The following CNDP1 variants were observed in gnomAD, a reference collection of about 807,000 sequenced individuals.
CNDP1 encodes the protein beta-Ala-His dipeptidase.
Under a neutral mutation model 58.1 loss-of-function variants are expected in CNDP1, and 44 were observed. The observed-to-expected ratio is 0.76, with a 90% confidence interval of 0.60 to 0.97. The LOEUF (loss-of-function observed/expected upper bound fraction) is 0.97. CNDP1 is among the 50% of genes least tolerant of loss of function. The pLI is 0.00. For missense variants in CNDP1, 616 were observed against 655.1 expected (o/e 0.94, Z 0.65); for synonymous variants, 254 against 252.6 (o/e 1.01, Z -0.05).
intron 5 of CNDP1, among the ~76,000 whole-genome samples, chr18:74,565,970 C>A (rs1322554294): frequency 6.6e-6 from 1 of 152,252 alleles, no homozygotes; most frequent in Non-Finnish European, 1.5e-5. Flanking sequence ...CATACATTTT[C>A]TGAAATCTAG....
At chr18:74,571,998 C>A (rs983452029) in intron 7 of CNDP1, among the ~76,000 whole-genome samples, 1 of 152,116 alleles carries the variant, frequency 6.6e-6, no homozygotes, top group Non-Finnish European at 1.5e-5. Context: ...GTGTGCAGAA[C>A]GCTTGTCACG....
Position 74,580,134 on chromosome 18 carries a change from CACG to C in CNDP1, c.1175_1177del (p.Arg392del), listed in dbSNP as rs758903059. The stretch of plus-strand genomic sequence containing the variant: ...ATTGAAAATGTCACCTTTTAGGTGA[CACG>C]ACATCTTGAAGATGTGTTCTCCAAA... On this transcript the variant is annotated inframe_deletion, in exon 10 of 12. Coordinates refer to ENST00000358821, the MANE Select transcript of CNDP1 (RefSeq NM_032649.6). 6.8e-6 allele frequency: 11 copies of C among 1,612,394 alleles called. No homozygotes were observed. The Admixed American group carries it at 1.7e-4, about 25-fold the overall frequency.
intron 2 of CNDP1, 75 bp downstream of exon 2, chr18:74,556,541 T>C: frequency 6.4e-7 from 1 of 1,574,224 alleles, no homozygotes; most frequent in South Asian, 1.1e-5. Flanking sequence ...GAGACAATTA[T>C]TTGCTTGGAG....
At chr18:74,543,141 A>G (rs975832357) in intron 1 of CNDP1, among the ~76,000 whole-genome samples, 4 of 152,244 alleles carry the variant, frequency 2.6e-5, no homozygotes, top group African/African-American at 9.6e-5. Flanking sequence ...TGAAAGACTA[A>G]CACCCATATT....
intron 1 of CNDP1, among the ~76,000 whole-genome samples, chr18:74,535,411 C>G (rs1322531299): frequency 6.6e-6 from 1 of 152,118 alleles, no homozygotes; most frequent in Non-Finnish European, 1.5e-5. Context: ...CATGCAAATG[C>G]GAGGCTGGAG....
chr18:74,540,099 T>A (rs1555707808), intron 1 of CNDP1, among the ~76,000 whole-genome samples: 1 of 151,990 alleles, frequency 6.6e-6, no homozygotes, highest in Non-Finnish European at 1.5e-5. Context: ...GTTTTACCAC[T>A]GGTCTTTCGA....
intron 11 of CNDP1, chr18:74,584,074 G>C (rs780724901): frequency 1.4e-4 from 43 of 299,256 alleles, no homozygotes; most frequent in Non-Finnish European, 2.3e-4. Context: ...AGACACACTG[G>C]GGGGTTAGGG....
At chr18:74,578,548 G>C (rs1041563151) in intron 9 of CNDP1, among the ~76,000 whole-genome samples, 1 of 152,050 alleles carries the variant, frequency 6.6e-6, no homozygotes, top group African/African-American at 2.4e-5. Flanking sequence ...GATCCCTTAA[G>C]CCCAGGGGTT....
intron 1 of CNDP1, among the ~76,000 whole-genome samples, chr18:74,552,753 G>A (rs553798758): frequency 1.3e-5 from 2 of 152,230 alleles, no homozygotes; most frequent in South Asian, 4.2e-4. Context: ...CCACTTACCA[G>A]TTTTTGTGTG....
At position 74,567,573 on chromosome 18, in the gene CNDP1, G is replaced by A. The variant is rs754958658; in HGVS notation, c.756+140G>A. On this transcript the variant is annotated intron_variant, in intron 6 of 11. Transcript: ENST00000358821. The stretch of plus-strand genomic sequence containing the variant: ...TTACCTGGGACACACGGCCTCAGGG[G>A]AGGTGGGGTGGGTGCAGAGGTCTTG... 2.3e-4 allele frequency: 168 copies of A among 734,030 alleles called. 1 individual carries two copies. Among genetic ancestry groups the A allele is most frequent in the Middle Eastern group, 3.9e-4 (1 of 2,586 alleles). The allele number at this position is 734,030 out of a possible 1,614,324, so 45.5% of individuals were successfully genotyped here. A position where few individuals can be genotyped will look rare whatever the true frequency, so the allele number is the denominator to read the frequency against.
At chr18:74,557,568 C>A (rs1467711940) in intron 2 of CNDP1, among the ~76,000 whole-genome samples, 1 of 151,868 alleles carries the variant, frequency 6.6e-6, no homozygotes, top group Non-Finnish European at 1.5e-5. Context: ...GCTCTCTTGT[C>A]CCCTCTGTGG....
chr18:74,543,401 G>A (rs986359862), intron 1 of CNDP1, among the ~76,000 whole-genome samples: 1 of 152,068 alleles, frequency 6.6e-6, no homozygotes, highest in Non-Finnish European at 1.5e-5. Flanking sequence ...GCTGAGGTGG[G>A]ACAATCACTT....
At chr18:74,579,845 G>T (rs919936792) in intron 9 of CNDP1, among the ~76,000 whole-genome samples, 39 of 152,210 alleles carry the variant, frequency 2.6e-4, no homozygotes, top group Non-Finnish European at 5.3e-4. Flanking sequence ...TGGTTGGAAG[G>T]GGGTGGGCCG....
chr18:74,544,633 C>A (rs1357871470), intron 1 of CNDP1, among the ~76,000 whole-genome samples: 1 of 146,222 alleles, frequency 6.8e-6, no homozygotes, highest in Non-Finnish European at 1.5e-5. Flanking sequence ...CAAGAAAAAT[C>A]ACTTGAACCC....
chr18:74,556,736 C>T (rs1367377313), intron 2 of CNDP1, among the ~76,000 whole-genome samples: 1 of 152,174 alleles, frequency 6.6e-6, no homozygotes, highest in African/African-American at 2.4e-5. Flanking sequence ...CCAGCACCTC[C>T]GCTGAGCTCA....
rs190439237 is a variant in CNDP1 at position 74,556,235 on chromosome 18, G to T, written c.25-103G>T. ...GTTATTTTATTCCGACTGACTGGAGGCAGCTGTGTGAGGTAACAGACCTTC... is the reference window on the plus strand; with the variant it reads ...GTTATTTTATTCCGACTGACTGGAGTCAGCTGTGTGAGGTAACAGACCTTC... On this transcript the variant is annotated intron_variant, in intron 1 of 11. Coordinates refer to ENST00000358821, the MANE Select transcript of CNDP1 (RefSeq NM_032649.6). The T allele has an allele frequency of 1.0e-5, 13 of 1,267,034 alleles. No homozygotes were observed. In the East Asian group the frequency reaches 2.8e-4, roughly 28 times the overall value. The allele number at this position is 1,267,034 out of a possible 1,614,324, so 78.5% of individuals were successfully genotyped here.
In CNDP1 at chr18:74,562,076, A is replaced by G; in HGVS notation, c.496A>G (p.Asn166Asp). ...ACTTTATGGACGAGGAGCGACCGAC[A>G]ACAAAGGCCCTGTCTTGGCTTGGAT... ...GKLYGRGATD[N>D]KGPVLAWINA... The change falls in exon 5 of 12, where the codon AAC becomes GAC. Residue 166 changes from asparagine to aspartate, a missense_variant. Physicochemically the swap from Asn to Asp is conservative, Grantham distance 23 (BLOSUM62 1). Transcript: ENST00000358821. 1 of 1,614,174 alleles carries G rather than the reference A, an allele frequency of 6.2e-7. No individual in the cohort carries two copies. The highest frequency in any genetic ancestry group is 8.5e-7 in the Non-Finnish European group (1 of 1,179,994).
At chr18:74,562,582 A>G (rs1423087637) in intron 5 of CNDP1, among the ~76,000 whole-genome samples, 1 of 152,198 alleles carries the variant, frequency 6.6e-6, no homozygotes, top group Non-Finnish European at 1.5e-5. Flanking sequence ...TGTATCAGCT[A>G]CTTTGCAAAT....
rs2144579461 is a variant in CNDP1, at chr18:74,580,248, C to T, written c.1286C>T (p.Ala429Val). ...IANIDDTQYL[A>V]AKRAIRTVFG... Reference sequence around the variant, plus strand: ...AATATTGATGACACCCAGTATCTCGCAGCAAAAAGAGCGATCAGAACAGGT... The same window carrying T: ...AATATTGATGACACCCAGTATCTCGTAGCAAAAAGAGCGATCAGAACAGGT... The change falls in exon 10 of 12, where the codon GCA becomes GTA. Residue 429 changes from alanine to valine, a missense_variant. By Grantham distance (64) the Ala-to-Val change is moderately conservative. Transcript: ENST00000358821. 1 of 1,614,182 alleles carries T rather than the reference C, an allele frequency of 6.2e-7. No homozygotes were observed. Among genetic ancestry groups the T allele is most frequent in the African/African-American group, 1.3e-5 (1 of 75,058 alleles).
Sources: allele counts gnomAD v4.1 joint callset (sites outside exome capture counted in the v4.1 genomes callset), GRCh38; gene constraint gnomAD v4.1.1; transcripts MANE v1.5; gene names NCBI Gene and HGNC (gene_info 2026-07-23, HGNC 2026-07-21).